The following PPM1H variants were observed in gnomAD, a reference collection of about 807,000 sequenced individuals.
The protein encoded by PPM1H is protein phosphatase, Mg2+/Mn2+ dependent 1H, also known as protein phosphatase 1H.
PPM1H carries 27 observed loss-of-function variants against 54.9 expected under a neutral mutation model. The observed-to-expected ratio is 0.49, with a 90% CI of 0.36 to 0.68. The LOEUF is 0.68. PPM1H is among the 30% of genes least tolerant of loss of function. PPM1H has a pLI of 0.00. For synonymous variants in PPM1H, 305 were observed against 270.8 expected (o/e 1.13, Z -1.24); for missense variants, 596 against 667.8 (o/e 0.89, Z 1.19).
chr12:62,741,688 G>T (rs2076381613), intron 4 of PPM1H, among the ~76,000 whole-genome samples: 1 of 152,146 alleles, frequency 6.6e-6, no homozygotes, highest in Admixed American at 6.5e-5. Context: ...TGCTATGACT[G>T]CTGGCTTCCA....
At chr12:62,867,597 A>G (rs567188681) in intron 1 of PPM1H, among the ~76,000 whole-genome samples, 533 of 27,208 alleles carry the variant, frequency 0.02, 6 homozygotes, top group East Asian at 0.074. Flanking sequence ...TTTTTTTTTG[A>G]GACAGAGTCT....
At chr12:62,845,767 CTG>C (rs1304636429) in intron 1 of PPM1H, among the ~76,000 whole-genome samples, 3 of 152,200 alleles carry the variant, frequency 2.0e-5, no homozygotes, top group Admixed American at 6.5e-5. Flanking sequence ...GGTGCCTGGC[CTG>C]TGTTTCCAAA....
intron 1 of PPM1H, among the ~76,000 whole-genome samples, chr12:62,839,029 A>G (rs1261816781): frequency 6.6e-6 from 1 of 152,004 alleles, no homozygotes; most frequent in Non-Finnish European, 1.5e-5. Flanking sequence ...CCTGTTCACA[A>G]TCCATGACCA....
chr12:62,662,408 G>C (rs976211815), intron 9 of PPM1H, among the ~76,000 whole-genome samples: 1 of 152,164 alleles, frequency 6.6e-6, no homozygotes, highest in Non-Finnish European at 1.5e-5. Context: ...CTCCACACCT[G>C]AGCTGAATTA....
intron 9 of PPM1H, among the ~76,000 whole-genome samples, chr12:62,661,914 C>G (rs2075886176): frequency 6.6e-6 from 1 of 152,236 alleles, no homozygotes; most frequent in African/African-American, 2.4e-5. Context: ...AACTGTGTTC[C>G]CCTTGCAATT....
At chr12:62,720,103 G>A (rs1420649967) in intron 6 of PPM1H, 68 bp downstream of exon 6, 17 of 1,349,098 alleles carry the variant, frequency 1.3e-5, no homozygotes, top group Non-Finnish European at 1.4e-5. Context: ...GTAACTGGCT[G>A]TTTATGGTGG....
At chr12:62,665,312 G>C (rs1421801034) in intron 9 of PPM1H, among the ~76,000 whole-genome samples, 2 of 152,164 alleles carry the variant, frequency 1.3e-5, no homozygotes, top group Non-Finnish European at 2.9e-5. Context: ...ACCTCCCAAA[G>C]TGCTGGGATT....
At chr12:62,716,689 G>A (rs552544078) in intron 6 of PPM1H, among the ~76,000 whole-genome samples, 39 of 152,194 alleles carry the variant, frequency 2.6e-4, no homozygotes, top group Admixed American at 2.4e-3. Flanking sequence ...ACCATGCCTG[G>A]CTAATTTAAA....
intron 1 of PPM1H, among the ~76,000 whole-genome samples, chr12:62,842,689 C>T (rs1468823043): frequency 6.6e-6 from 1 of 152,110 alleles, no homozygotes; most frequent in Non-Finnish European, 1.5e-5. Context: ...GGTTTTAAGC[C>T]CTAACTTGGG....
intron 1 of PPM1H, among the ~76,000 whole-genome samples, chr12:62,884,669 T>C (rs749111346): frequency 2.3e-4 from 35 of 152,310 alleles, no homozygotes; most frequent in Admixed American, 5.2e-4. Flanking sequence ...GCTCATACTT[T>C]AGTTAATAGT....
intron 1 of PPM1H, among the ~76,000 whole-genome samples, chr12:62,862,117 A>C (rs1869623112): frequency 6.6e-6 from 1 of 152,198 alleles, no homozygotes. Flanking sequence ...TTCTACCTGG[A>C]AAATTGTGCA....
intron 1 of PPM1H, among the ~76,000 whole-genome samples, chr12:62,897,513 C>G (rs1871031134): frequency 6.6e-6 from 1 of 152,072 alleles, no homozygotes; most frequent in Admixed American, 6.6e-5. Context: ...TTGATTAAGA[C>G]AATACAATGT....
intron 1 of PPM1H, among the ~76,000 whole-genome samples, chr12:62,857,449 C>T (rs1239681215): frequency 1.3e-5 from 2 of 152,188 alleles, no homozygotes; most frequent in African/African-American, 2.4e-5. Flanking sequence ...CCCAACTAAT[C>T]CTAGTTTTTT....
chr12:62,893,733 T>C (rs528483774), intron 1 of PPM1H, among the ~76,000 whole-genome samples: 2 of 152,092 alleles, frequency 1.3e-5, no homozygotes, highest in South Asian at 4.2e-4. Context: ...GTGATCCACC[T>C]GCCTCAGCCT....
intron 1 of PPM1H, among the ~76,000 whole-genome samples, chr12:62,892,075 T>A (rs1051390914): frequency 1.3e-5 from 2 of 152,230 alleles, no homozygotes; most frequent in Non-Finnish European, 2.9e-5. Flanking sequence ...CAGCCTCTGC[T>A]CATGCCTTTG....
chr12:62,822,773 T>A (rs1217321078), intron 2 of PPM1H, among the ~76,000 whole-genome samples: 1 of 151,938 alleles, frequency 6.6e-6, no homozygotes, highest in African/African-American at 2.4e-5. Flanking sequence ...TAGCACTAAA[T>A]GCACACAAGA....
intron 9 of PPM1H, among the ~76,000 whole-genome samples, chr12:62,660,467 G>A (rs1185765976): frequency 6.6e-6 from 1 of 152,128 alleles, no homozygotes; most frequent in East Asian, 1.9e-4. Context: ...AACCCAAATA[G>A]CATGGTACTG....
In PPM1H at chr12:62,645,453, C is replaced by G. The variant is rs2075779366; in HGVS notation, c.*3036G>C. 6.6e-6 allele frequency: 1 copy of G among 152,230 alleles called. No homozygotes were observed. The highest frequency in any genetic ancestry group is 1.5e-5 in the Non-Finnish European group (1 of 68,086). The allele number at this position is 152,230 out of a possible 1,614,324, so 9.4% of individuals were successfully genotyped here. ...AAGACAGCTGAGTACTTGGCCTGGC[C>G]CGATTTTCACCTTTCCTTTTACACC... On this transcript the variant is annotated 3_prime_UTR_variant, in exon 10 of 10. Coordinates refer to ENST00000228705, the MANE Select transcript of PPM1H (RefSeq NM_020700.2).
chr12:62,833,103 C>G (rs1337823001), intron 1 of PPM1H, among the ~76,000 whole-genome samples: 1 of 152,214 alleles, frequency 6.6e-6, no homozygotes, highest in African/African-American at 2.4e-5. Context: ...GCAGCTAAAA[C>G]AGATTCCCTT....
Sources: gnomAD v4.1 joint callset for allele counts (sites outside exome capture counted in the v4.1 genomes callset) on GRCh38, gnomAD v4.1.1 for gene constraint, MANE v1.5 for transcripts, NCBI Gene and HGNC (gene_info 2026-07-23, HGNC 2026-07-21) for gene names.